FAT3: variants seen among roughly 807,000 people sequenced by gnomAD.
The protein encoded by FAT3 is FAT atypical cadherin 3, also known as protocadherin Fat 3.
FAT3 carries 95 observed loss-of-function variants against 310.2 expected under a neutral mutation model. The observed-to-expected ratio is 0.31, with a 90% CI of 0.26 to 0.36. The LOEUF is 0.36. Among genes scored for constraint, FAT3 ranks in the 10% least tolerant of loss-of-function variants. The probability of loss-of-function intolerance (pLI) is 1.00; values close to 1 mark genes in which losing one functional copy is unlikely to be tolerated. For missense variants in FAT3, 5,408 were observed against 5,715.6 expected, an observed-to-expected ratio of 0.95 and a Z score of 1.74; for synonymous variants, 2,314 against 2,192.9, an observed-to-expected ratio of 1.06 and a Z score of -1.54.
chr11:92,749,798 G>A (rs1354515195), intron 4 of FAT3, among the ~76,000 whole-genome samples: 26 of 152,164 alleles, frequency 1.7e-4, no homozygotes, highest in Admixed American at 1.7e-3. Flanking sequence ...ATTTTCAACA[G>A]CCACAACATT....
intron 22 of FAT3, among the ~76,000 whole-genome samples, chr11:92,879,442 C>T (rs1045892842): frequency 1.3e-5 from 2 of 152,122 alleles, no homozygotes; most frequent in African/African-American, 4.8e-5. Context: ...CAACTAAACT[C>T]GGAGAGACCG....
rs565582956 is a variant in FAT3 at position 92,630,765 on chromosome 11, G to T, written c.3608-66619G>T. 7.7e-3 allele frequency among the ~76,000 whole-genome samples: 1,174 copies of T among 152,288 alleles called. 9 individuals carry two copies. The highest frequency in any genetic ancestry group is 0.025 in the African/African-American group (1,057 of 41,532). ...CACCCCTTGTGACAGCCTTCTGGCA[G>T]GTTCTCCCAGGTATATAGCAGTAAT... On this transcript the variant is annotated intron_variant, in intron 3 of 27. Coordinates refer to ENST00000525166, the MANE Select transcript of FAT3 (RefSeq NM_001367949.2).
At chr11:92,425,535 C>T (rs1469804567) in intron 2 of FAT3, among the ~76,000 whole-genome samples, 1 of 152,104 alleles carries the variant, frequency 6.6e-6, no homozygotes, top group Non-Finnish European at 1.5e-5. Flanking sequence ...TATCCCTCCC[C>T]TTGCCCCCAC....
chr11:92,690,474 C>A (rs373061369), intron 3 of FAT3, among the ~76,000 whole-genome samples: 16 of 152,268 alleles, frequency 1.1e-4, no homozygotes, highest in East Asian at 9.6e-4. Context: ...CTTTACAAAC[C>A]TGATGAAACA....
chr11:92,230,481 A>G (rs1473808875), intron 1 of FAT3, among the ~76,000 whole-genome samples: 2 of 152,202 alleles, frequency 1.3e-5, no homozygotes, highest in Non-Finnish European at 2.9e-5. Flanking sequence ...TTTAGTAGAC[A>G]GGGTGTTTCA....
In FAT3 at chr11:92,798,158, C is replaced by T. The variant is rs1444697585; in HGVS notation, c.5145C>T (p.Thr1715=). ...ATGGAGACATTAATGGGATCTTTAC[C>T]ATAAATCCATATTCTGGAGTCATCA... ...VKDGDINGIF[T]INPYSGVITT... is the part of the protein sequence containing the mutation. Residue 1715 remains threonine (T), a synonymous_variant, in exon 10 of 28, where the codon ACC becomes ACT. Coordinates refer to ENST00000525166, the MANE Select transcript of FAT3 (RefSeq NM_001367949.2). 5 of 1,613,760 alleles carry T rather than the reference C, an allele frequency of 3.1e-6. No homozygotes were observed. The highest frequency in any genetic ancestry group is 4.2e-6 in the Non-Finnish European group (5 of 1,179,848).
chr11:92,883,444 A>C lies in FAT3; in HGVS notation c.12937+51A>C. 6.4e-7 allele frequency: 1 copy of C among 1,553,774 alleles called. No homozygotes were observed. The highest frequency in any genetic ancestry group is 8.7e-7 in the Non-Finnish European group (1 of 1,148,340). On this transcript the variant is annotated intron_variant, in intron 24 of 27. Transcript: ENST00000525166. The surrounding 1 kb of genome is among the most constrained non-coding windows in gnomAD (Gnocchi z 4.2). ...CCCTCGGTGCTTACAGGGAACCTGC[A>C]GGGGCGCTGTGCGAGGACGCTACGG... is the stretch of plus-strand genomic sequence containing the variant.
At chr11:92,583,844 C>T (rs1938976424) in intron 3 of FAT3, among the ~76,000 whole-genome samples, 1 of 148,460 alleles carries the variant, frequency 6.7e-6, no homozygotes, top group Admixed American at 6.7e-5. Context: ...ACTCTACTCG[C>T]CTGCAGAATA....
At chr11:92,662,342 T>TGATGAGAGAATTAACAAAGAAGAG (rs1240277924) in intron 3 of FAT3, among the ~76,000 whole-genome samples, 1 of 152,278 alleles carries the variant, frequency 6.6e-6, no homozygotes, top group East Asian at 1.9e-4. Context: ...AATTCTTGAG[T>TGATGAGAGAATTAACAAAGAAGAG]GATGAGAGAA....
chr11:92,889,098 G>A (rs1555170886), intron 25 of FAT3, 91 bp from the exon 26 acceptor site: 3 of 614,174 alleles, frequency 4.9e-6, no homozygotes, highest in South Asian at 1.9e-5. Context: ...TGTTGCTGTT[G>A]TTGTTGTTGT....
intron 2 of FAT3, among the ~76,000 whole-genome samples, chr11:92,435,397 A>G (rs1007903703): frequency 1.3e-5 from 2 of 152,112 alleles, no homozygotes; most frequent in Admixed American, 6.5e-5. Context: ...TGATATGATA[A>G]TACAGCTCTT....
chr11:92,421,495 GT>G (rs1265553319), intron 2 of FAT3, among the ~76,000 whole-genome samples: 1 of 152,078 alleles, frequency 6.6e-6, no homozygotes, highest in Non-Finnish European at 1.5e-5. Context: ...GCTTCCCCCT[GT>G]TTTATTGGCA....
At chr11:92,709,432 A>G (rs1944455586) in intron 4 of FAT3, among the ~76,000 whole-genome samples, 1 of 152,138 alleles carries the variant, frequency 6.6e-6, no homozygotes, top group Admixed American at 6.5e-5. Context: ...CCTCTCCTTT[A>G]GGCTATTCTT....
chr11:92,552,811 A>G (rs553282087), intron 3 of FAT3, among the ~76,000 whole-genome samples: 9 of 152,180 alleles, frequency 5.9e-5, no homozygotes, highest in African/African-American at 2.2e-4. Flanking sequence ...TTAGCCAGGC[A>G]TGATGGCACG....
chr11:92,226,169 C>T (rs760554991), intron 1 of FAT3, among the ~76,000 whole-genome samples: 5 of 151,992 alleles, frequency 3.3e-5, no homozygotes, highest in Admixed American at 6.5e-5. Context: ...TGGCGCGGCG[C>T]GCGGTGAGCG....
intron 2 of FAT3, among the ~76,000 whole-genome samples, chr11:92,494,441 C>T (rs1021913848): frequency 6.6e-6 from 1 of 151,934 alleles, no homozygotes; most frequent in South Asian, 2.1e-4. Flanking sequence ...ATGTTGTCTC[C>T]AGCATATAAG....
intron 7 of FAT3, among the ~76,000 whole-genome samples, chr11:92,784,712 G>A (rs1011941488): frequency 1.3e-5 from 2 of 152,100 alleles, no homozygotes; most frequent in East Asian, 1.9e-4. Flanking sequence ...AAATGGCCCC[G>A]ACTGTGGGAA....
chr11:92,706,000 GT>G (rs1384735141), intron 4 of FAT3, among the ~76,000 whole-genome samples: 1 of 151,032 alleles, frequency 6.6e-6, no homozygotes, highest in East Asian at 1.9e-4. Flanking sequence ...GGTGGTGGTG[GT>G]GGTGGAGGAG....
chr11:92,313,662 C>A (rs750196756), intron 1 of FAT3, among the ~76,000 whole-genome samples: 4 of 152,142 alleles, frequency 2.6e-5, no homozygotes, highest in Admixed American at 6.5e-5. Flanking sequence ...TGGGTTCAAG[C>A]AGTTCTCCTG....
Sources: allele counts gnomAD v4.1 joint callset (sites outside exome capture counted in the v4.1 genomes callset), GRCh38; gene constraint gnomAD v4.1.1; non-coding constraint Gnocchi (gnomAD v3.1); transcripts MANE v1.5; gene names NCBI Gene and HGNC (gene_info 2026-07-23, HGNC 2026-07-21).